Variants in ACAP2 observed in about 807,000 individuals in gnomAD.
ACAP2 encodes ArfGAP with coiled-coil, ankyrin repeat and PH domains 2, also known as arf-GAP with coiled-coil, ANK repeat and PH domain-containing protein 2.
Under a neutral mutation model 115.8 loss-of-function variants are expected in ACAP2, and 39 were observed. That is an observed-to-expected ratio of 0.34 (90% CI 0.26 to 0.44). The LOEUF (loss-of-function observed/expected upper bound fraction) is 0.44. Among genes scored for constraint, ACAP2 ranks in the 20% least tolerant of loss-of-function variants. The probability of loss-of-function intolerance (pLI) is 1.00; values close to 1 mark genes in which losing one functional copy is unlikely to be tolerated. For synonymous variants in ACAP2, 289 were observed against 315.8 expected (o/e 0.92, Z 0.90); for missense variants, 662 against 927.6 (o/e 0.71, Z 3.72).
At chr3:195,384,369 T>C (rs1345865088) in intron 2 of ACAP2, among the ~76,000 whole-genome samples, 2 of 152,212 alleles carry the variant, frequency 1.3e-5, no homozygotes, top group African/African-American at 4.8e-5. Flanking sequence ...AGTGCTAATA[T>C]TTTTGTTGAA....
At chr3:195,372,760 G>A (rs1733242713) in intron 4 of ACAP2, among the ~76,000 whole-genome samples, 1 of 152,024 alleles carries the variant, frequency 6.6e-6, no homozygotes, top group African/African-American at 2.4e-5. Context: ...GCTGCAGTGA[G>A]CTCTGATCAT....
chr3:195,283,747 T>G (rs1726657230), intron 22 of ACAP2, among the ~76,000 whole-genome samples: 3 of 152,224 alleles, frequency 2.0e-5, no homozygotes, highest in Non-Finnish European at 4.4e-5. Flanking sequence ...GTTAAAAATC[T>G]AACCCTTCTC....
chr3:195,316,982 C>T (rs11706264), intron 10 of ACAP2, among the ~76,000 whole-genome samples: 65,903 of 142,458 alleles, frequency 0.46, 16,410 homozygotes, highest in Middle Eastern at 0.69. Flanking sequence ...ACTGCAGCCT[C>T]TGCCTCCTGG....
chr3:195,297,552 T>G (rs558321457), intron 15 of ACAP2, among the ~76,000 whole-genome samples: 2 of 152,236 alleles, frequency 1.3e-5, no homozygotes, highest in East Asian at 3.9e-4. Flanking sequence ...TATCTATGTA[T>G]CTATCTAGCC....
chr3:195,372,094 G>C (rs910049060), intron 4 of ACAP2, among the ~76,000 whole-genome samples: 2 of 152,116 alleles, frequency 1.3e-5, no homozygotes, highest in African/African-American at 4.8e-5. Context: ...TATTTTACGA[G>C]ATTAGTTACA....
intron 4 of ACAP2, 41 bp from the exon 5 acceptor site, chr3:195,345,358 A>G (rs371316910): frequency 2.3e-5 from 30 of 1,285,390 alleles, no homozygotes; most frequent in Middle Eastern, 3.9e-4. Flanking sequence ...AGAAAAGTAA[A>G]CAAAATAATT....
Position 195,313,558 on chromosome 3 carries a change from C to G in ACAP2, c.858-4721G>C, listed in dbSNP as rs1299358749. Among the ~76,000 whole-genome samples, 5 of 152,184 alleles carry G rather than the reference C, an allele frequency of 3.3e-5. No homozygotes were observed. In the East Asian group the frequency reaches 9.6e-4, roughly 29 times the overall value. ...ATCAGTGACTTGAAAGCCACACATA[C>G]GTAGTATTAATCTTTAATCCATGTA... On this transcript the variant is annotated intron_variant, in intron 10 of 22. Coordinates refer to ENST00000326793, the MANE Select transcript of ACAP2 (RefSeq NM_012287.6).
At chr3:195,347,963 G>C (rs989317073) in intron 4 of ACAP2, among the ~76,000 whole-genome samples, 1 of 151,650 alleles carries the variant, frequency 6.6e-6, no homozygotes, top group Non-Finnish European at 1.5e-5. Flanking sequence ...AGTGAGCTGT[G>C]ATCACGCCAC....
chr3:195,309,825 A>G (rs1728645229), intron 10 of ACAP2, among the ~76,000 whole-genome samples: 2 of 150,546 alleles, frequency 1.3e-5, no homozygotes, highest in Admixed American at 1.3e-4. Flanking sequence ...TTATTAGACA[A>G]ACAATTTACT....
chr3:195,382,945 G>A (rs1322027197), intron 2 of ACAP2, among the ~76,000 whole-genome samples: 1 of 151,378 alleles, frequency 6.6e-6, no homozygotes, highest in Non-Finnish European at 1.5e-5. Context: ...TCCTAGAAAA[G>A]GCAACAGAAG....
intron 3 of ACAP2, 58 bp from the exon 4 acceptor site, chr3:195,381,120 CAAAA>C: frequency 1.5e-6 from 2 of 1,312,080 alleles, no homozygotes; most frequent in Non-Finnish European, 2.1e-6. Flanking sequence ...AAATAGGTCA[CAAAA>C]ATGTGACCTC....
chr3:195,350,658 A>G (rs1731500808), intron 4 of ACAP2, among the ~76,000 whole-genome samples: 2 of 151,796 alleles, frequency 1.3e-5, no homozygotes, highest in Admixed American at 6.6e-5. Context: ...GGAAAAAAAA[A>G]AAAAGAAAAA....
At chr3:195,374,747 CT>C (rs1002565945) in intron 4 of ACAP2, among the ~76,000 whole-genome samples, 4 of 151,510 alleles carry the variant, frequency 2.6e-5, no homozygotes, top group African/African-American at 9.7e-5. Context: ...CGGAGTCACG[CT>C]CTGTCGCCCA....
intron 18 of ACAP2, among the ~76,000 whole-genome samples, chr3:195,294,346 G>A (rs1235295570): frequency 2.6e-5 from 4 of 151,550 alleles, no homozygotes; most frequent in East Asian, 3.9e-4. Context: ...TTGGGAGGCC[G>A]AGGTTGGTGG....
rs1004787173 is a variant in ACAP2 at position 195,275,220 on chromosome 3, T to C, written c.*4108A>G. 2 of 152,476 alleles carry C rather than the reference T, an allele frequency of 1.3e-5. No individual in the cohort carries two copies. The highest frequency in any genetic ancestry group is 4.8e-5 in the African/African-American group (2 of 41,454). 9.4% of individuals were successfully genotyped at this position (152,476 alleles called of 1,614,324 possible). A position where few individuals can be genotyped will look rare whatever the true frequency, so the allele number is the denominator to read the frequency against. ...TAAGAAAAGTTAGCAAATAAGATAG[T>C]GAAAAGACCAATGCAGAGAAAAGTT... On this transcript the variant is annotated 3_prime_UTR_variant, in exon 23 of 23. Coordinates refer to ENST00000326793, the MANE Select transcript of ACAP2 (RefSeq NM_012287.6).
chr3:195,294,379 A>C (rs531984987), intron 18 of ACAP2, among the ~76,000 whole-genome samples: 30 of 151,378 alleles, frequency 2.0e-4, no homozygotes, highest in African/African-American at 7.3e-4. Context: ...GGAGTTCGAG[A>C]CCAGCCTGGC....
intron 4 of ACAP2, chr3:195,356,092 G>A (rs774033364): frequency 2.9e-4 from 134 of 456,550 alleles, no homozygotes; most frequent in South Asian, 2.0e-3. Context: ...AAGAGGCAGT[G>A]AAGAGGATAG....
chr3:195,379,795 C>T (rs1175389606), intron 4 of ACAP2, among the ~76,000 whole-genome samples: 1 of 152,040 alleles, frequency 6.6e-6, no homozygotes, highest in Non-Finnish European at 1.5e-5. Context: ...CAGAGTGAGA[C>T]CCCATCTCTA....
chr3:195,389,010 C>T (rs1021997263), intron 2 of ACAP2, among the ~76,000 whole-genome samples: 2 of 138,584 alleles, frequency 1.4e-5, no homozygotes, highest in African/African-American at 5.4e-5. Flanking sequence ...GGTGACAGAG[C>T]AAGAATCCAT....
Sources: gnomAD v4.1 joint callset for allele counts (sites outside exome capture counted in the v4.1 genomes callset) on GRCh38, gnomAD v4.1.1 for gene constraint, MANE v1.5 for transcripts, NCBI Gene and HGNC (gene_info 2026-07-23, HGNC 2026-07-21) for gene names.